PAX7: variants seen among roughly 807,000 people sequenced by gnomAD.
PAX7 encodes paired box 7.
Under a neutral mutation model 50.7 loss-of-function variants are expected in PAX7, and 18 were observed. The ratio of observed to expected loss-of-function variants is 0.36; its 90% CI spans 0.25 to 0.53. The LOEUF is 0.53. PAX7 is among the 20% of genes least tolerant of loss of function. The probability of loss-of-function intolerance (pLI) is 0.93; values close to 1 mark genes in which losing one functional copy is unlikely to be tolerated. For missense variants in PAX7, 644 were observed against 702.9 expected (o/e 0.92, Z 0.95); for synonymous variants, 310 against 290.4 (o/e 1.07, Z -0.69).
At chr1:18,727,985 C>A (rs1570237287) in intron 7 of PAX7, among the ~76,000 whole-genome samples, 4 of 151,938 alleles carry the variant, frequency 2.6e-5, no homozygotes, top group African/African-American at 9.7e-5. Context: ...GGGGAGGGTC[C>A]AGATCCTCTT....
intron 7 of PAX7, among the ~76,000 whole-genome samples, chr1:18,728,410 A>T (rs887291570): frequency 6.6e-6 from 1 of 151,894 alleles, no homozygotes; most frequent in Non-Finnish European, 1.5e-5. Flanking sequence ...GTCTTCCTGC[A>T]TCGGTGTCTG....
intron 7 of PAX7, among the ~76,000 whole-genome samples, chr1:18,713,730 A>C (rs144283385): frequency 7.2e-5 from 11 of 152,326 alleles, no homozygotes; most frequent in African/African-American, 2.6e-4. Flanking sequence ...GAGGGAGGGC[A>C]TAGTCAGAGA....
At chr1:18,674,153 T>C (rs2088792579) in intron 4 of PAX7, among the ~76,000 whole-genome samples, 1 of 152,242 alleles carries the variant, frequency 6.6e-6, no homozygotes, top group African/African-American at 2.4e-5. Context: ...TGTTGAGCAA[T>C]TACCATGGGC....
chr1:18,702,365 A>G (rs961734838), intron 6 of PAX7, among the ~76,000 whole-genome samples: 1 of 152,018 alleles, frequency 6.6e-6, no homozygotes, highest in Non-Finnish European at 1.5e-5. Context: ...TTTAAAAAAG[A>G]TAGCTACCTC....
At chr1:18,656,813 G>A (rs904749109) in intron 4 of PAX7, among the ~76,000 whole-genome samples, 3 of 151,760 alleles carry the variant, frequency 2.0e-5, no homozygotes, top group Admixed American at 6.6e-5. Context: ...TGGGTGACAC[G>A]AACCCTCTCT....
At chr1:18,734,245 C>T (rs556523807) in intron 7 of PAX7, among the ~76,000 whole-genome samples, 35 of 152,284 alleles carry the variant, frequency 2.3e-4, no homozygotes, top group African/African-American at 8.2e-4. Context: ...GGGATTGCCA[C>T]GTGGTTCTCC....
Position 18,669,881 on chromosome 1 carries a change from C to T in PAX7, c.587-21873C>T, listed in dbSNP as rs574231399. Among the ~76,000 whole-genome samples, 29 of 152,064 alleles carry T rather than the reference C, an allele frequency of 1.9e-4. 1 individual carries two copies. The highest frequency in any genetic ancestry group is 7.4e-5 in the Non-Finnish European group (5 of 67,992). On this transcript the variant is annotated intron_variant, in intron 4 of 8. Coordinates refer to ENST00000420770, the MANE Select transcript of PAX7 (RefSeq NM_001135254.2). ...CAGGTGGATCACGAGGTCAGGAGTTCGAGACCAGTCTGGCCAACATGGTGA... is the reference window on the plus strand; with the variant it reads ...CAGGTGGATCACGAGGTCAGGAGTTTGAGACCAGTCTGGCCAACATGGTGA...
In PAX7 at chr1:18,700,952, G is replaced by A. The variant is rs2100321565; in HGVS notation, c.952+134G>A. Reference sequence around the variant, plus strand: ...GTAAGCAGGCTATTGAGAGCAAAAAGATGCAATCCTGCCCTTGAAATTCTT... The same window carrying A: ...GTAAGCAGGCTATTGAGAGCAAAAAAATGCAATCCTGCCCTTGAAATTCTT... On this transcript the variant is annotated intron_variant, in intron 6 of 8. Coordinates refer to ENST00000420770, the MANE Select transcript of PAX7 (RefSeq NM_001135254.2). This position sits in a 1 kb window ranked among gnomAD's most constrained non-coding sequence, Gnocchi z 4.8. 1 of 887,994 alleles carries A rather than the reference G, an allele frequency of 1.1e-6. No homozygotes were observed. The allele number at this position is 887,994 out of a possible 1,614,324, so 55.0% of individuals were successfully genotyped here. A position where few individuals can be genotyped will look rare whatever the true frequency, so the allele number is the denominator to read the frequency against.
chr1:18,725,428 G>T (rs187800674), intron 7 of PAX7, among the ~76,000 whole-genome samples: 1 of 150,820 alleles, frequency 6.6e-6, no homozygotes, highest in Non-Finnish European at 1.5e-5. Context: ...CCTTCCTCCC[G>T]CCTGCCCCTC....
At chr1:18,635,069 T>C in intron 2 of PAX7, 42 bp from the exon 3 acceptor site, 1 of 1,606,524 alleles carries the variant, frequency 6.2e-7, no homozygotes, top group African/African-American at 1.3e-5. Context: ...CCTCCCCCCA[T>C]CCCATCTTTC....
At chr1:18,644,201 C>T (rs2088304090) in intron 4 of PAX7, among the ~76,000 whole-genome samples, 1 of 152,218 alleles carries the variant, frequency 6.6e-6, no homozygotes, top group Non-Finnish European at 1.5e-5. Flanking sequence ...CAGCCCCCCG[C>T]GGCTGTGTTC....
chr1:18,736,860 C>G (rs1419211915), intron 8 of PAX7, among the ~76,000 whole-genome samples: 1 of 152,260 alleles, frequency 6.6e-6, no homozygotes, highest in Non-Finnish European at 1.5e-5. Flanking sequence ...CCCAGTCGCA[C>G]TAGCCACATT....
At chr1:18,677,758 A>G (rs1052545222) in intron 4 of PAX7, among the ~76,000 whole-genome samples, 2 of 152,164 alleles carry the variant, frequency 1.3e-5, no homozygotes, top group African/African-American at 4.8e-5. Context: ...TTCTTTATTT[A>G]ACTGATGGCT....
In PAX7 at chr1:18,636,781, G is replaced by A. The variant is rs906387063; in HGVS notation, c.586+410G>A. Among the ~76,000 whole-genome samples, 1 of 152,128 alleles carries A rather than the reference G, an allele frequency of 6.6e-6. No homozygotes were observed. On this transcript the variant is annotated intron_variant, in intron 4 of 8. Transcript: ENST00000420770. The surrounding 1 kb of genome is among the most constrained non-coding windows in gnomAD (Gnocchi z 5.1). ...GGGCGGGGGACGGGAGGGAGGGAGAGAGGAAGGAGGAGCCGGCCCGCGGCT... is the reference window on the plus strand; with the variant it reads ...GGGCGGGGGACGGGAGGGAGGGAGAAAGGAAGGAGGAGCCGGCCCGCGGCT...
At position 18,735,844 on chromosome 1, in the gene PAX7, C is replaced by T. The variant is rs1016242822; in HGVS notation, c.1368C>T (p.Pro456=). The T allele has an allele frequency of 3.7e-6, 6 of 1,614,038 alleles. No homozygotes were observed. Among genetic ancestry groups the T allele is most frequent in the African/African-American group, 2.7e-5 (2 of 74,934 alleles). ...TYSTTGYSVD[P]VAGYQYGQYG... ...GCACCACCGGCTACAGCGTGGACCC[C>T]GTGGCCGGCTATCAGTACGGCCAGT... is the stretch of plus-strand genomic sequence containing the variant. Residue 456 remains proline, a synonymous_variant, in exon 8 of 9, where the codon CCC becomes CCT. Coordinates refer to ENST00000420770, the MANE Select transcript of PAX7 (RefSeq NM_001135254.2). This position sits in a 1 kb window ranked among gnomAD's most constrained non-coding sequence, Gnocchi z 4.0.
Position 18,725,311 on chromosome 1 carries a change from C to G in PAX7, c.1156-10321C>G, listed in dbSNP as rs923844874. Among the ~76,000 whole-genome samples, 128 of 72,752 alleles carry G rather than the reference C, an allele frequency of 1.8e-3. 3 individuals are homozygous for G. Among genetic ancestry groups the G allele is most frequent in the African/African-American group, 5.7e-3 (118 of 20,760 alleles). 47.7% of individuals were successfully genotyped at this position (72,752 alleles called of 152,430 possible). The stretch of plus-strand genomic sequence containing the variant: ...TTACAGAGGTGGAGACGCCCCCCCC[C>G]CGCCCCACCAACACCGCCAGGCCAG... On this transcript the variant is annotated intron_variant, in intron 7 of 8. Coordinates refer to ENST00000420770, the MANE Select transcript of PAX7 (RefSeq NM_001135254.2).
At position 18,631,076 on chromosome 1, in the gene PAX7, GA is replaced by G. The variant is rs949506045; in HGVS notation, c.-527del. On this transcript the variant is annotated 5_prime_UTR_variant, in exon 1 of 9. Transcript: ENST00000420770. ...GGCGTGGAGAAGAGGGAGGGAGCGA[GA>G]GCGAGAGAATAAATATATAAATAAA... is the stretch of plus-strand genomic sequence containing the variant. 4.4e-6 allele frequency: 1 copy of G among 229,204 alleles called. No individual in the cohort carries two copies. Among genetic ancestry groups the G allele is most frequent in the African/African-American group, 2.2e-5 (1 of 45,058 alleles). The allele number at this position is 229,204 out of a possible 1,614,324, so 14.2% of individuals were successfully genotyped here.
rs1261732657 is a variant in PAX7, at chr1:18,636,531, C to T, written c.586+160C>T. Among the ~76,000 whole-genome samples the T allele has an allele frequency of 6.6e-6, 1 of 152,224 alleles. No individual in the cohort carries two copies. The highest frequency in any genetic ancestry group is 1.5e-5 in the Non-Finnish European group (1 of 68,046). On this transcript the variant is annotated intron_variant, in intron 4 of 8. Transcript: ENST00000420770. The surrounding 1 kb of genome is among the most constrained non-coding windows in gnomAD (Gnocchi z 5.1). Reference sequence around the variant, plus strand: ...CTGGGAGCCGCTCAGGCTTTGCCGACAGCGCCCCCTCGGTGCGCACCCCGG... The same window carrying T: ...CTGGGAGCCGCTCAGGCTTTGCCGATAGCGCCCCCTCGGTGCGCACCCCGG...
Position 18,746,714 on chromosome 1 carries a change from A to C in PAX7, c.*1785A>C, listed in dbSNP as rs1931459020. On this transcript the variant is annotated 3_prime_UTR_variant, in exon 9 of 9. Coordinates refer to ENST00000420770, the MANE Select transcript of PAX7 (RefSeq NM_001135254.2). ...GAAAGGGCTGCTGCTCTGGGAGTCA[A>C]CCTGAGTTCCTCCCTCCTGGGAAGC... 4.3e-6 allele frequency: 1 copy of C among 231,438 alleles called. No homozygotes were observed. The highest frequency in any genetic ancestry group is 6.1e-5 in the East Asian group (1 of 16,364). 14.3% of individuals were successfully genotyped at this position (231,438 alleles called of 1,614,324 possible). A position where few individuals can be genotyped will look rare whatever the true frequency, so the allele number is the denominator to read the frequency against.
Sources: allele counts gnomAD v4.1 joint callset (sites outside exome capture counted in the v4.1 genomes callset), GRCh38; gene constraint gnomAD v4.1.1; non-coding constraint Gnocchi (gnomAD v3.1); transcripts MANE v1.5; gene names NCBI Gene and HGNC (gene_info 2026-07-23, HGNC 2026-07-21).